ITGA11: variants seen among roughly 807,000 people sequenced by gnomAD.
ITGA11 encodes the protein integrin alpha-11.
A neutral mutation model predicts 141.9 loss-of-function variants in ITGA11; 97 were observed. That is an observed-to-expected ratio of 0.68 (90% CI 0.58 to 0.81). The LOEUF (loss-of-function observed/expected upper bound fraction) is 0.81. ITGA11 is among the 30% of genes least tolerant of loss of function. The probability of loss-of-function intolerance (pLI) is 0.00; values close to 1 mark genes in which losing one functional copy is unlikely to be tolerated. For missense variants in ITGA11, 1,387 were observed against 1,559.2 expected, an observed-to-expected ratio of 0.89 and a Z score of 1.86; for synonymous variants, 658 against 624.6, an observed-to-expected ratio of 1.05 and a Z score of -0.80.
intron 1 of ITGA11, among the ~76,000 whole-genome samples, chr15:68,404,103 T>TC (rs1227215539): frequency 6.6e-6 from 1 of 152,032 alleles, no homozygotes; most frequent in East Asian, 1.9e-4. Flanking sequence ...CTCTTTTTTT[T>TC]CCCTCTCATT....
In ITGA11 at chr15:68,312,872, A is replaced by T. The variant is rs1893438376; in HGVS notation, c.2883-9T>A. ...GGCTCAGGCTGCTGCTCCTGCGGAG[A>T]CAGAGGACAGGGCTGTCGTGAGCTC... On this transcript the variant is annotated splice_polypyrimidine_tract_variant and intron_variant, in intron 23 of 29. Coordinates refer to ENST00000315757, the MANE Select transcript of ITGA11 (RefSeq NM_001004439.2). The T allele has an allele frequency of 9.4e-6, 15 of 1,601,670 alleles. No homozygotes were observed. The highest frequency in any genetic ancestry group is 1.3e-5 in the African/African-American group (1 of 74,818).
At chr15:68,351,476 G>A (rs1473461728) in intron 7 of ITGA11, 74 bp from the exon 8 acceptor site, 1 of 1,527,456 alleles carries the variant, frequency 6.5e-7, no homozygotes. Context: ...TCCTGCAGAG[G>A]GGCAGCCACA....
At chr15:68,312,889 C>T (rs368935516) in intron 23 of ITGA11, 26 bp from the exon 24 acceptor site, 171 of 1,547,414 alleles carry the variant, frequency 1.1e-4, no homozygotes, top group Non-Finnish European at 1.4e-4. Context: ...ACAGGGCTGT[C>T]GTGAGCTCAG....
chr15:68,416,927 A>G (rs1896901126), intron 1 of ITGA11, among the ~76,000 whole-genome samples: 1 of 152,188 alleles, frequency 6.6e-6, no homozygotes, highest in African/African-American at 2.4e-5. Context: ...GTAAAAAACA[A>G]AAACAAGGGT....
chr15:68,403,280 T>A (rs561927542), intron 1 of ITGA11, among the ~76,000 whole-genome samples: 13 of 152,246 alleles, frequency 8.5e-5, no homozygotes, highest in Admixed American at 7.8e-4. Flanking sequence ...TCAATGTGTA[T>A]CCCTTCCAAA....
chr15:68,303,631 C>G lies in ITGA11; in HGVS notation c.3495+141G>C, dbSNP rs1322319655. On this transcript the variant is annotated intron_variant, in intron 29 of 29. Transcript: ENST00000315757. This position sits in a 1 kb window ranked among gnomAD's most constrained non-coding sequence, Gnocchi z 5.3. ...CTGAGTGCCGTCTGTTGGCCCTAAC[C>G]AGTGTGTCTGCTATGGCGAGGGGTG... The G allele has an allele frequency of 1.7e-6, 1 of 590,738 alleles. No homozygotes were observed. Among genetic ancestry groups the G allele is most frequent in the African/African-American group, 1.9e-5 (1 of 52,834 alleles). 36.6% of individuals were successfully genotyped at this position (590,738 alleles called of 1,614,324 possible).
At chr15:68,362,922 GATGGATGATGGATGA>G (rs56826711) in intron 4 of ITGA11, among the ~76,000 whole-genome samples, 112,054 of 149,770 alleles carry the variant, frequency 0.75, 42,423 homozygotes, top group East Asian at 0.88. Flanking sequence ...TGAATGGGTG[GATGGATGATGGATGA>G]ATGGATGATG....
At chr15:68,382,870 T>C (rs533988791) in intron 2 of ITGA11, among the ~76,000 whole-genome samples, 80 of 152,370 alleles carry the variant, frequency 5.3e-4, no homozygotes, top group African/African-American at 1.8e-3. Context: ...CTTGTCAAGA[T>C]GGCCTCAGGT....
Position 68,326,862 on chromosome 15 carries a change from C to G in ITGA11, c.2069-66G>C. 2 of 1,497,752 alleles carry G rather than the reference C, an allele frequency of 1.3e-6. No individual in the cohort carries two copies. The highest frequency in any genetic ancestry group is 9.0e-7 in the Non-Finnish European group (1 of 1,115,208). 92.8% of individuals were successfully genotyped at this position (1,497,752 alleles called of 1,614,324 possible). Reference sequence around the variant, plus strand: ...CATGCCCATCCAAGACTGTCTGCCTCCTCCAGGAAGCCCCCCAGGCTGGCC... The same window carrying G: ...CATGCCCATCCAAGACTGTCTGCCTGCTCCAGGAAGCCCCCCAGGCTGGCC... On this transcript the variant is annotated intron_variant, in intron 16 of 29. Coordinates refer to ENST00000315757, the MANE Select transcript of ITGA11 (RefSeq NM_001004439.2). The surrounding 1 kb of genome is among the most constrained non-coding windows in gnomAD (Gnocchi z 6.8).
intron 5 of ITGA11, among the ~76,000 whole-genome samples, chr15:68,358,846 T>C (rs1407481616): frequency 6.6e-6 from 1 of 152,252 alleles, no homozygotes; most frequent in East Asian, 1.9e-4. Context: ...AATCAGAGAC[T>C]GACCACTACC....
intron 11 of ITGA11, among the ~76,000 whole-genome samples, chr15:68,338,922 A>T (rs577371938): frequency 3.3e-5 from 5 of 152,272 alleles, no homozygotes; most frequent in African/African-American, 1.2e-4. Context: ...GGCGAATGGG[A>T]CATGCCTGGG....
chr15:68,426,243 T>C (rs1897140077), intron 1 of ITGA11, among the ~76,000 whole-genome samples: 1 of 152,232 alleles, frequency 6.6e-6, no homozygotes, highest in South Asian at 2.1e-4. Context: ...CATCACGTTG[T>C]CATCACTTAT....
rs529869450 is a variant in ITGA11, at chr15:68,414,061, G to T, written c.53-11032C>A. 5.3e-5 allele frequency among the ~76,000 whole-genome samples: 8 copies of T among 152,288 alleles called. No homozygotes were observed. In the East Asian group the frequency reaches 1.3e-3, roughly 26 times the overall value. Reference sequence around the variant, plus strand: ...GTCAGAAAGACAGAGGCCTTGGTGGGGGTCCAGGCGATGTGGTCACCTTTC... The same window carrying T: ...GTCAGAAAGACAGAGGCCTTGGTGGTGGTCCAGGCGATGTGGTCACCTTTC... On this transcript the variant is annotated intron_variant, in intron 1 of 29. Transcript: ENST00000315757.
At chr15:68,406,527 C>A (rs944254874) in intron 1 of ITGA11, among the ~76,000 whole-genome samples, 13 of 152,184 alleles carry the variant, frequency 8.5e-5, no homozygotes, top group Non-Finnish European at 1.5e-4. Flanking sequence ...CCATCTTGTC[C>A]ATCACCAGGC....
chr15:68,345,176 A>C (rs1029984048), intron 10 of ITGA11, among the ~76,000 whole-genome samples: 1 of 152,080 alleles, frequency 6.6e-6, no homozygotes, highest in African/African-American at 2.4e-5. Context: ...AATGGAAGCC[A>C]CTCTGGCTCT....
chr15:68,402,902 G>T lies in ITGA11; in HGVS notation c.164+16C>A. On this transcript the variant is annotated intron_variant, in intron 2 of 29. Coordinates refer to ENST00000315757, the MANE Select transcript of ITGA11 (RefSeq NM_001004439.2). Reference sequence around the variant, plus strand: ...GAATGGTACAGGGCTGGGTGTGGGCGGCCGCTCTCACTCACCACTTATTGC... The same window carrying T: ...GAATGGTACAGGGCTGGGTGTGGGCTGCCGCTCTCACTCACCACTTATTGC... 6.4e-7 allele frequency: 1 copy of T among 1,572,562 alleles called. No homozygotes were observed. Among genetic ancestry groups the T allele is most frequent in the Non-Finnish European group, 8.7e-7 (1 of 1,145,300 alleles).
chr15:68,335,486 A>T lies in ITGA11; in HGVS notation c.1425+211T>A, dbSNP rs945630341. Among the ~76,000 whole-genome samples, 1 of 152,156 alleles carries T rather than the reference A, an allele frequency of 6.6e-6. No individual in the cohort carries two copies. Among genetic ancestry groups the T allele is most frequent in the Non-Finnish European group, 1.5e-5 (1 of 68,014 alleles). On this transcript the variant is annotated intron_variant, in intron 12 of 29. Transcript: ENST00000315757. The surrounding 1 kb of genome is among the most constrained non-coding windows in gnomAD (Gnocchi z 4.9). ...TCCTCATTGCTTCCATTCCAGGAAA[A>T]GGGAAGCAGCTGGCATCCTGGAGGG... is the stretch of plus-strand genomic sequence containing the variant.
At chr15:68,352,428 A>G (rs1342774663) in intron 7 of ITGA11, among the ~76,000 whole-genome samples, 1 of 152,046 alleles carries the variant, frequency 6.6e-6, no homozygotes. Flanking sequence ...CCTGGCCTCA[A>G]GTGATCTGCC....
rs187377240 is a variant in ITGA11 at position 68,307,410 on chromosome 15, C to T, written c.3319G>A (p.Ala1107Thr). Reference sequence around the variant, plus strand: ...CTGTGGAACTGCCTCTGCAAGGCTGCGTTGACCATGATTTTCATGGATTTG... The same window carrying T: ...CTGTGGAACTGCCTCTGCAAGGCTGTGTTGACCATGATTTTCATGGATTTG... ...KYKSMKIMVN[A>T]ALQRQFHSPF... is the part of the protein sequence containing the mutation. The change falls in exon 28 of 30, where the codon GCA becomes ACA. Residue 1107 changes from alanine to threonine, a missense_variant. Physicochemically the swap from Ala to Thr is moderately conservative, Grantham distance 58 (BLOSUM62 0). Transcript: ENST00000315757. This position sits in a 1 kb window ranked among gnomAD's most constrained non-coding sequence, Gnocchi z 6.1. 100 of 1,558,682 alleles carry T rather than the reference C, an allele frequency of 6.4e-5. 1 individual carries two copies. In the East Asian group the frequency reaches 2.2e-3, roughly 34 times the overall value.
Sources: gnomAD v4.1 joint callset for allele counts (sites outside exome capture counted in the v4.1 genomes callset) on GRCh38, gnomAD v4.1.1 for gene constraint, Gnocchi (gnomAD v3.1) non-coding constraint, MANE v1.5 for transcripts, NCBI Gene and HGNC (gene_info 2026-07-23, HGNC 2026-07-21) for gene names.